BZW2: variants seen among roughly 807,000 people sequenced by gnomAD.
BZW2 encodes basic leucine zipper and W2 domains 2, also known as eIF5-mimic protein 1.
BZW2 carries 23 observed loss-of-function variants against 53.2 expected under a neutral mutation model. The ratio of observed to expected loss-of-function variants is 0.43; its 90% CI spans 0.31 to 0.61. The LOEUF is 0.61. Among genes scored for constraint, BZW2 ranks in the 20% least tolerant of loss-of-function variants. The pLI is 0.09. For missense variants in BZW2, 409 were observed against 503.1 expected (o/e 0.81, Z 1.79); for synonymous variants, 227 against 186.4 (o/e 1.22, Z -1.77).
In BZW2 at chr7:16,668,769, G is replaced by A. The variant is rs1340980895; in HGVS notation, c.58+3268G>A. Reference sequence around the variant, plus strand: ...ACAATGTATTTCTTATTGCATTGTCGTTACTGCTTAGCATTAAAATACAAA... The same window carrying A: ...ACAATGTATTTCTTATTGCATTGTCATTACTGCTTAGCATTAAAATACAAA... On this transcript the variant is annotated intron_variant, in intron 2 of 11. Coordinates refer to ENST00000258761, the MANE Select transcript of BZW2 (RefSeq NM_014038.3). Among the ~76,000 whole-genome samples the A allele has an allele frequency of 3.9e-5, 6 of 152,276 alleles. No homozygotes were observed. The South Asian group carries it at 8.3e-4, about 21-fold the overall frequency.
At chr7:16,680,256 C>G (rs942547292) in intron 3 of BZW2, among the ~76,000 whole-genome samples, 4 of 152,100 alleles carry the variant, frequency 2.6e-5, no homozygotes, top group African/African-American at 9.7e-5. Context: ...TGTTAGCAAG[C>G]CTGAAGAAAG....
intron 2 of BZW2, among the ~76,000 whole-genome samples, chr7:16,670,964 A>C (rs1041635227): frequency 2.0e-5 from 3 of 152,210 alleles, no homozygotes; most frequent in African/African-American, 2.4e-5. Flanking sequence ...TCTCATGCTT[A>C]TGTGACTAGT....
chr7:16,690,799 A>G (rs1783278295), intron 7 of BZW2, among the ~76,000 whole-genome samples: 1 of 152,072 alleles, frequency 6.6e-6, no homozygotes, highest in Admixed American at 6.6e-5. Flanking sequence ...TGTTCTTGTA[A>G]TTTCTATCTG....
chr7:16,697,902 A>C, intron 9 of BZW2, 146 bp from the exon 10 acceptor site: 1 of 949,412 alleles, frequency 1.1e-6, no homozygotes, highest in South Asian at 1.7e-5. Context: ...CCCTCACCCC[A>C]TTGGGCACAA....
At chr7:16,656,236 T>C (rs1270907614) in intron 1 of BZW2, among the ~76,000 whole-genome samples, 1 of 152,072 alleles carries the variant, frequency 6.6e-6, no homozygotes, top group Admixed American at 6.5e-5. Context: ...CTGGAACAGT[T>C]CTTCAACCTT....
intron 6 of BZW2, among the ~76,000 whole-genome samples, chr7:16,688,102 T>G (rs1208002326): frequency 6.6e-6 from 1 of 152,012 alleles, no homozygotes; most frequent in East Asian, 1.9e-4. Flanking sequence ...TCTATATGAA[T>G]GATAGACCAA....
chr7:16,685,880 T>TC (rs781249195), intron 5 of BZW2, 25 bp from the exon 6 acceptor site: 32 of 876,666 alleles, frequency 3.7e-5, no homozygotes, highest in African/African-American at 2.8e-4. Flanking sequence ...CTTTTTCTTT[T>TC]TTTTTTTTTT....
At chr7:16,698,465 A>G (rs1199637770) in intron 10 of BZW2, among the ~76,000 whole-genome samples, 3 of 152,232 alleles carry the variant, frequency 2.0e-5, no homozygotes, top group Non-Finnish European at 4.4e-5. Context: ...AAAAAAATGT[A>G]ATTATATAAA....
intron 2 of BZW2, among the ~76,000 whole-genome samples, chr7:16,669,849 T>C (rs892047970): frequency 6.6e-6 from 1 of 152,168 alleles, no homozygotes; most frequent in South Asian, 2.1e-4. Flanking sequence ...ATTATATCCT[T>C]CTCACTTCAA....
chr7:16,671,741 T>C (rs1249764019), intron 2 of BZW2, among the ~76,000 whole-genome samples: 3 of 152,026 alleles, frequency 2.0e-5, no homozygotes, highest in African/African-American at 4.8e-5. Context: ...GACCAGCCTA[T>C]GCAACATGGC....
intron 1 of BZW2, among the ~76,000 whole-genome samples, chr7:16,648,586 G>T (rs1022915106): frequency 6.6e-6 from 1 of 152,280 alleles, no homozygotes; most frequent in East Asian, 1.9e-4. Flanking sequence ...TAAACATTGA[G>T]CACCCATCAT....
At chr7:16,690,558 C>G (rs1187624638) in intron 7 of BZW2, among the ~76,000 whole-genome samples, 2 of 152,256 alleles carry the variant, frequency 1.3e-5, no homozygotes, top group Non-Finnish European at 2.9e-5. Flanking sequence ...AAAATTTCAT[C>G]AATCTCACTT....
chr7:16,692,671 G>A (rs958923715), intron 7 of BZW2, among the ~76,000 whole-genome samples: 1 of 152,188 alleles, frequency 6.6e-6, no homozygotes, highest in Admixed American at 6.5e-5. Context: ...GGCTGAGGCA[G>A]GAGAATTGCT....
chr7:16,694,812 CA>C, intron 7 of BZW2, 21 bp from the exon 8 acceptor site: 1 of 1,495,708 alleles, frequency 6.7e-7, no homozygotes, highest in African/African-American at 1.4e-5. Flanking sequence ...TGTTTTATAG[CA>C]GTCTTTTTTC....
chr7:16,705,968 ATGGC>A, intron 11 of BZW2, 88 bp from the exon 12 acceptor site: 1 of 1,420,296 alleles, frequency 7.0e-7, no homozygotes, highest in South Asian at 1.2e-5. Context: ...TGCTGGTGCA[ATGGC>A]AGGGTTCTGG....
At chr7:16,669,114 T>C (rs74395179) in intron 2 of BZW2, among the ~76,000 whole-genome samples, 2,976 of 152,264 alleles carry the variant, frequency 0.02, 101 homozygotes, top group African/African-American at 0.068. Flanking sequence ...AGACTTTAGC[T>C]CTGTAAATAA....
chr7:16,662,872 G>A (rs1782308331), intron 1 of BZW2, among the ~76,000 whole-genome samples: 1 of 152,156 alleles, frequency 6.6e-6, no homozygotes, highest in South Asian at 2.1e-4. Context: ...TTTCTGTCCA[G>A]TTGAGCTACA....
intron 3 of BZW2, among the ~76,000 whole-genome samples, chr7:16,678,117 C>A (rs864683): frequency 0.23 from 24,998 of 109,408 alleles, 2,878 homozygotes; most frequent in East Asian, 0.38. Flanking sequence ...TTTTTTAATG[C>A]TGTCGCCCAG....
rs11977020 is a variant in BZW2 at position 16,662,865 on chromosome 7, C to G, written c.-7-2572C>G. Among the ~76,000 whole-genome samples, 614 of 152,272 alleles carry G rather than the reference C, an allele frequency of 4.0e-3. 5 individuals are homozygous for G. Among genetic ancestry groups the G allele is most frequent in the African/African-American group, 0.014 (571 of 41,564 alleles). On this transcript the variant is annotated intron_variant, in intron 1 of 11. Coordinates refer to ENST00000258761, the MANE Select transcript of BZW2 (RefSeq NM_014038.3). ...GCAGAGAAGTCTGCTGGAGAGATTT[C>G]TGTCCAGTTGAGCTACATTCTTTTT...
Sources: gnomAD v4.1 joint callset for allele counts (sites outside exome capture counted in the v4.1 genomes callset) on GRCh38, gnomAD v4.1.1 for gene constraint, MANE v1.5 for transcripts, NCBI Gene and HGNC (gene_info 2026-07-23, HGNC 2026-07-21) for gene names.